CNNM2: variants seen among roughly 807,000 people sequenced by gnomAD.
CNNM2 encodes metal transporter CNNM2.
CNNM2 carries 12 observed loss-of-function variants against 66.9 expected under a neutral mutation model. The observed-to-expected ratio is 0.18, with a 90% CI of 0.11 to 0.29. The LOEUF is 0.29. Ranked by LOEUF, CNNM2 falls within the 10% of genes least tolerant of loss-of-function variation. The probability of loss-of-function intolerance (pLI) is 1.00; values close to 1 mark genes in which losing one functional copy is unlikely to be tolerated. For missense variants in CNNM2, 705 were observed against 1,167.7 expected (o/e 0.60, Z 5.77); for synonymous variants, 557 against 501.8 (o/e 1.11, Z -1.47).
chr10:102,959,226 C>G (rs894974499), intron 1 of CNNM2, among the ~76,000 whole-genome samples: 5 of 152,322 alleles, frequency 3.3e-5, no homozygotes, highest in Admixed American at 2.6e-4. Context: ...GCCACTGTGC[C>G]TGGCTCATTT....
intron 1 of CNNM2, among the ~76,000 whole-genome samples, chr10:103,036,085 G>A (rs1208813590): frequency 2.0e-5 from 3 of 152,022 alleles, no homozygotes; most frequent in South Asian, 2.1e-4. Flanking sequence ...TATAGATCCT[G>A]AGTCTATCAG....
At position 103,054,612 on chromosome 10, in the gene CNNM2, T is replaced by C. The variant is rs200641125; in HGVS notation, c.1903+146T>C. On this transcript the variant is annotated intron_variant, in intron 3 of 7. Coordinates refer to ENST00000369878, the MANE Select transcript of CNNM2 (RefSeq NM_017649.5). The surrounding 1 kb of genome is among the most constrained non-coding windows in gnomAD (Gnocchi z 5.2). Reference sequence around the variant, plus strand: ...TTTGTGTTTTGTTTTTTTTGTTTTTTTGTTTTGTTTTGTTTTTTTCTTTTT... The same window carrying C: ...TTTGTGTTTTGTTTTTTTTGTTTTTCTGTTTTGTTTTGTTTTTTTCTTTTT... The C allele has an allele frequency of 3.0e-6, 2 of 670,640 alleles. No individual in the cohort carries two copies. The highest frequency in any genetic ancestry group is 3.6e-5 in the African/African-American group (2 of 55,662). The allele number at this position is 670,640 out of a possible 1,614,324, so 41.5% of individuals were successfully genotyped here.
At chr10:103,048,682 A>G (rs1049935199) in intron 1 of CNNM2, among the ~76,000 whole-genome samples, 7 of 152,146 alleles carry the variant, frequency 4.6e-5, no homozygotes, top group Non-Finnish European at 7.3e-5. Context: ...AAAACATTCA[A>G]CAATGAAAGT....
At chr10:102,928,906 TAGTC>T (rs1467157478) in intron 1 of CNNM2, among the ~76,000 whole-genome samples, 1 of 152,258 alleles carries the variant, frequency 6.6e-6, no homozygotes, top group Non-Finnish European at 1.5e-5. Context: ...TGGAGCCTGA[TAGTC>T]AAGAGAGACA....
At chr10:102,944,055 T>G (rs1846521698) in intron 1 of CNNM2, among the ~76,000 whole-genome samples, 1 of 152,186 alleles carries the variant, frequency 6.6e-6, no homozygotes, top group East Asian at 1.9e-4. Flanking sequence ...TTAATTCTCT[T>G]TAATCTTTAA....
At chr10:102,996,269 T>C (rs1163066813) in intron 1 of CNNM2, among the ~76,000 whole-genome samples, 1 of 152,140 alleles carries the variant, frequency 6.6e-6, no homozygotes, top group African/African-American at 2.4e-5. Flanking sequence ...TTTCAGTAGT[T>C]ACAACAGCAG....
intron 2 of CNNM2, 81 bp downstream of exon 2, chr10:103,049,931 C>T: frequency 7.3e-7 from 1 of 1,364,762 alleles, no homozygotes; most frequent in Non-Finnish European, 1.0e-6. Context: ...GACGTTTCTC[C>T]AGTTGCTGCC....
chr10:102,964,918 G>C (rs1447363424), intron 1 of CNNM2, among the ~76,000 whole-genome samples: 2 of 152,102 alleles, frequency 1.3e-5, no homozygotes. Flanking sequence ...TCATGAAAGT[G>C]ATTGAAGCCC....
At chr10:103,038,291 T>C (rs1316104213) in intron 1 of CNNM2, among the ~76,000 whole-genome samples, 4 of 152,238 alleles carry the variant, frequency 2.6e-5, no homozygotes, top group Non-Finnish European at 5.9e-5. Context: ...TTTCTGGTCT[T>C]ACTGCATGGA....
intron 1 of CNNM2, among the ~76,000 whole-genome samples, chr10:102,990,620 A>G (rs1033592748): frequency 2.0e-5 from 3 of 152,180 alleles, no homozygotes; most frequent in African/African-American, 7.2e-5. Flanking sequence ...TCTTGGAAGT[A>G]AAAGTGAAAG....
rs763073661 is a variant in CNNM2, at chr10:103,081,811, T to C, written c.*4631T>C. ...TAGAGTCCCTGGTCAACCCTACGGATGCGAAGAAGAGATGGCAGTTCACAG... is the reference window on the plus strand; with the variant it reads ...TAGAGTCCCTGGTCAACCCTACGGACGCGAAGAAGAGATGGCAGTTCACAG... On this transcript the variant is annotated 3_prime_UTR_variant, in exon 8 of 8. Coordinates refer to ENST00000369878, the MANE Select transcript of CNNM2 (RefSeq NM_017649.5). 20 of 152,224 alleles carry C rather than the reference T, an allele frequency of 1.3e-4. No individual in the cohort carries two copies. The highest frequency in any genetic ancestry group is 1.7e-4 in the African/African-American group (7 of 41,446). 9.4% of individuals were successfully genotyped at this position (152,224 alleles called of 1,614,324 possible). A position where few individuals can be genotyped will look rare whatever the true frequency, so the allele number is the denominator to read the frequency against.
intron 1 of CNNM2, among the ~76,000 whole-genome samples, chr10:102,952,169 G>A (rs1846863323): frequency 1.3e-5 from 2 of 152,012 alleles, no homozygotes; most frequent in African/African-American, 2.4e-5. Context: ...TTGAACTCCT[G>A]GGCTCAAACA....
chr10:102,966,106 T>G (rs1590322070), intron 1 of CNNM2, among the ~76,000 whole-genome samples: 1 of 152,336 alleles, frequency 6.6e-6, no homozygotes, highest in East Asian at 1.9e-4. Context: ...CTTGCAGATT[T>G]TATATTCAGT....
At chr10:102,927,257 A>G (rs1216080719) in intron 1 of CNNM2, 43 of 1,569,054 alleles carry the variant, frequency 2.7e-5, no homozygotes, top group East Asian at 1.1e-4. Flanking sequence ...AAAGAGTACT[A>G]TTAAACTCAA....
chr10:102,953,595 T>C (rs2134194341), intron 1 of CNNM2, among the ~76,000 whole-genome samples: 1 of 151,266 alleles, frequency 6.6e-6, no homozygotes, highest in East Asian at 1.9e-4. Flanking sequence ...GATCTCATTC[T>C]GTCATCCAGG....
intron 1 of CNNM2, among the ~76,000 whole-genome samples, chr10:103,007,821 C>T (rs1044082550): frequency 3.3e-5 from 5 of 152,110 alleles, no homozygotes; most frequent in South Asian, 2.1e-4. Context: ...CCTGAGGTGA[C>T]GTACATCCTC....
At chr10:102,946,530 A>G (rs1429333925) in intron 1 of CNNM2, among the ~76,000 whole-genome samples, 1 of 152,148 alleles carries the variant, frequency 6.6e-6, no homozygotes. Context: ...GACTTTTTTA[A>G]AGCACTTGTG....
intron 1 of CNNM2, among the ~76,000 whole-genome samples, chr10:103,002,417 G>A (rs1030962544): frequency 8.6e-5 from 13 of 151,434 alleles, no homozygotes; most frequent in African/African-American, 2.9e-4. Context: ...TCACTAGGAC[G>A]GCTATAATAG....
chr10:102,943,334 G>T (rs995247118), intron 1 of CNNM2, among the ~76,000 whole-genome samples: 1 of 152,052 alleles, frequency 6.6e-6, no homozygotes, highest in African/African-American at 2.4e-5. Flanking sequence ...AGGCTGAGGC[G>T]GGAGGATGGC....
Sources: gnomAD v4.1 joint callset for allele counts (sites outside exome capture counted in the v4.1 genomes callset) on GRCh38, gnomAD v4.1.1 for gene constraint, Gnocchi (gnomAD v3.1) non-coding constraint, MANE v1.5 for transcripts, NCBI Gene and HGNC (gene_info 2026-07-23, HGNC 2026-07-21) for gene names.